MYLK4: variants seen among roughly 807,000 people sequenced by gnomAD.
The protein encoded by MYLK4 is myosin light chain kinase family member 4, also known as caMLCK like.
A neutral mutation model predicts 48.1 loss-of-function variants in MYLK4; 46 were observed. The observed-to-expected ratio is 0.96, with a 90% confidence interval of 0.75 to 1.22. The LOEUF (loss-of-function observed/expected upper bound fraction) is 1.22, where lower values mean the gene tolerates loss of function less well. MYLK4 is among the 50% of genes most tolerant of loss of function. MYLK4 has a pLI of 0.00. For synonymous variants in MYLK4, 170 were observed against 180.8 expected (o/e 0.94, Z 0.48); for missense variants, 451 against 486.1 (o/e 0.93, Z 0.68).
At chr6:2,669,060 C>T (rs1760776306) in intron 12 of MYLK4, among the ~76,000 whole-genome samples, 1 of 149,120 alleles carries the variant, frequency 6.7e-6, no homozygotes, top group South Asian at 2.2e-4. Flanking sequence ...ACAGCAAGAC[C>T]CTGTCTCTAA....
chr6:2,723,566 G>A (rs538944013), intron 2 of MYLK4, among the ~76,000 whole-genome samples: 16 of 152,344 alleles, frequency 1.1e-4, no homozygotes, highest in African/African-American at 2.4e-4. Flanking sequence ...CAGGGTCTGC[G>A]TTTGCTCTTT....
intron 9 of MYLK4, 138 bp from the exon 10 acceptor site, chr6:2,678,510 T>C: frequency 1.0e-6 from 1 of 978,362 alleles, no homozygotes; most frequent in South Asian, 1.8e-5. Flanking sequence ...TTATAACATA[T>C]TATTGTAATC....
chr6:2,763,586 C>T, the MYLK4 span, among the ~76,000 whole-genome samples: 1 of 152,236 alleles, frequency 6.6e-6, no homozygotes, highest in Non-Finnish European at 1.5e-5. Context: ...AGCCTACTCC[C>T]ACCCGGAACT....
At chr6:2,765,142 A>T in the MYLK4 span, among the ~76,000 whole-genome samples, 1 of 133,588 alleles carries the variant, frequency 7.5e-6, no homozygotes, top group Non-Finnish European at 1.6e-5. Flanking sequence ...TGCGTCCGCC[A>T]CCGCGCAACC....
At chr6:2,715,723 T>G (rs1762842829) in intron 2 of MYLK4, among the ~76,000 whole-genome samples, 1 of 152,204 alleles carries the variant, frequency 6.6e-6, no homozygotes, top group South Asian at 2.1e-4. Flanking sequence ...CATGCTTGTC[T>G]CAGGTTCATG....
At chr6:2,764,416 A>G in the MYLK4 span, among the ~76,000 whole-genome samples, 1,176 of 152,234 alleles carry the variant, frequency 7.7e-3, 9 homozygotes, top group Non-Finnish European at 0.012. Flanking sequence ...TGAGACCCTC[A>G]ATGTGCTCTT....
At chr6:2,762,419 A>G in the MYLK4 span, among the ~76,000 whole-genome samples, 1 of 152,228 alleles carries the variant, frequency 6.6e-6, no homozygotes, top group Non-Finnish European at 1.5e-5. Context: ...CTGAAAAAAG[A>G]AATTTTAGGC....
At chr6:2,714,574 G>C (rs1762800176) in intron 2 of MYLK4, among the ~76,000 whole-genome samples, 1 of 152,162 alleles carries the variant, frequency 6.6e-6, no homozygotes, top group Non-Finnish European at 1.5e-5. Flanking sequence ...TCCTGCATCA[G>C]AATTATCATA....
chr6:2,719,163 A>G (rs1191368579), intron 2 of MYLK4, among the ~76,000 whole-genome samples: 1 of 152,190 alleles, frequency 6.6e-6, no homozygotes, highest in African/African-American at 2.4e-5. Context: ...AAAGGGCAGG[A>G]CATGCAGCTA....
the MYLK4 span, among the ~76,000 whole-genome samples, chr6:2,764,067 G>C: frequency 6.6e-6 from 1 of 152,236 alleles, no homozygotes; most frequent in African/African-American, 2.4e-5. Flanking sequence ...GGGAGGCGGA[G>C]GTTGCCGTGA....
In MYLK4 at chr6:2,749,161, T is replaced by C; in HGVS notation, c.134A>G (p.Gln45Arg). 6.2e-7 allele frequency: 1 copy of C among 1,613,964 alleles called. No homozygotes were observed. ...CTCATTATGTCCAGATCTTGAATCC[T>C]GGTCCCCAGAATTTTTTTCCAGAAA... is the stretch of plus-strand genomic sequence containing the variant. ...KCFLEKNSGD[Q>R]DSRSGHNEAK... is the part of the protein sequence containing the mutation. Residue 45 changes from glutamine (Q) to arginine (R), a missense_variant, in exon 2 of 13, where the codon CAG (glutamine) becomes CGG (arginine). Coordinates refer to ENST00000274643, the MANE Select transcript of MYLK4 (RefSeq NM_001012418.5).
Position 2,672,705 on chromosome 6 carries a change from T to C in MYLK4, c.1120-1357A>G, listed in dbSNP as rs57466489. ...AAGTAAGATATACTAAGTTTGAATA[T>C]TGATTTTCAGTAACACTAAAACTGT... On this transcript the variant is annotated intron_variant, in intron 11 of 12. Coordinates refer to ENST00000274643, the MANE Select transcript of MYLK4 (RefSeq NM_001012418.5). This position sits in a 1 kb window ranked among gnomAD's most constrained non-coding sequence, Gnocchi z 4.3. 0.12 allele frequency among the ~76,000 whole-genome samples: 17,752 copies of C among 152,274 alleles called. 1,280 individuals are homozygous for C. The highest frequency in any genetic ancestry group is 0.38 in the East Asian group (1,963 of 5,178).
chr6:2,677,726 A>G (rs996576383), intron 10 of MYLK4, among the ~76,000 whole-genome samples: 1 of 152,194 alleles, frequency 6.6e-6, no homozygotes, highest in Non-Finnish European at 1.5e-5. Flanking sequence ...TGGCGGTATG[A>G]TGATGGGCAA....
chr6:2,678,188 T>C (rs1004332916), intron 10 of MYLK4, 32 bp downstream of exon 10: 3 of 1,608,470 alleles, frequency 1.9e-6, no homozygotes, highest in South Asian at 2.2e-5. Flanking sequence ...TCATCCCTAC[T>C]GCGCCCGGAG....
At chr6:2,763,639 C>T in the MYLK4 span, among the ~76,000 whole-genome samples, 3 of 152,250 alleles carry the variant, frequency 2.0e-5, no homozygotes, top group African/African-American at 4.8e-5. Flanking sequence ...GGTTCCCGCC[C>T]GCGCCTCTCC....
intron 2 of MYLK4, among the ~76,000 whole-genome samples, chr6:2,741,969 C>T (rs895993541): frequency 2.0e-5 from 3 of 151,982 alleles, no homozygotes; most frequent in Non-Finnish European, 2.9e-5. Context: ...ACAGGAGATA[C>T]GATAAACAGC....
At chr6:2,726,177 T>A (rs1486861879) in intron 2 of MYLK4, among the ~76,000 whole-genome samples, 1 of 152,212 alleles carries the variant, frequency 6.6e-6, no homozygotes, top group Non-Finnish European at 1.5e-5. Context: ...ATCCAGTGTG[T>A]TTGGAAAACA....
rs1000354878 is a variant in MYLK4, at chr6:2,673,353, T to A, written c.1119+1694A>T. On this transcript the variant is annotated intron_variant, in intron 11 of 12. Coordinates refer to ENST00000274643, the MANE Select transcript of MYLK4 (RefSeq NM_001012418.5). The surrounding 1 kb of genome is among the most constrained non-coding windows in gnomAD (Gnocchi z 4.2). The stretch of plus-strand genomic sequence containing the variant: ...TACCAATTATCAAGGAAAGGTATAT[T>A]CAGACACAAATAAAACTTAGTGCCG... Among the ~76,000 whole-genome samples the A allele has an allele frequency of 3.3e-5, 5 of 152,214 alleles. No homozygotes were observed. Among genetic ancestry groups the A allele is most frequent in the Non-Finnish European group, 7.3e-5 (5 of 68,032 alleles).
At chr6:2,733,901 C>G (rs183307694) in intron 2 of MYLK4, among the ~76,000 whole-genome samples, 1 of 152,122 alleles carries the variant, frequency 6.6e-6, no homozygotes, top group Admixed American at 6.5e-5. Flanking sequence ...ACCTAGTACC[C>G]CAGGTGATTC....
Sources: gnomAD v4.1 joint callset for allele counts (sites outside exome capture counted in the v4.1 genomes callset) on GRCh38, gnomAD v4.1.1 for gene constraint, Gnocchi (gnomAD v3.1) non-coding constraint, MANE v1.5 for transcripts, NCBI Gene and HGNC (gene_info 2026-07-23, HGNC 2026-07-21) for gene names.